Variants in NAV1 observed in about 807,000 individuals in gnomAD.
The protein encoded by NAV1 is pore membrane and/or filament interacting like protein 3.
A neutral mutation model predicts 175.2 loss-of-function variants in NAV1; 18 were observed. The ratio of observed to expected loss-of-function variants is 0.10; its 90% CI spans 0.07 to 0.15. The LOEUF (loss-of-function observed/expected upper bound fraction) is 0.15. Among genes scored for constraint, NAV1 ranks in the 10% least tolerant of loss-of-function variants. The pLI is 1.00. For synonymous variants in NAV1, 897 were observed against 978.7 expected (o/e 0.92, Z 1.56); for missense variants, 1,731 against 2,436.6 (o/e 0.71, Z 6.10).
chr1:201,811,158 T>G (rs769480921), intron 24 of NAV1, among the ~76,000 whole-genome samples: 15 of 152,206 alleles, frequency 9.9e-5, no homozygotes, highest in Admixed American at 3.3e-4. Flanking sequence ...CTTCTACTTT[T>G]CTTTTCAGTA....
chr1:201,565,355 T>C (rs1666321408), intron 1 of NAV1, among the ~76,000 whole-genome samples: 1 of 152,260 alleles, frequency 6.6e-6, no homozygotes, highest in Admixed American at 6.5e-5. Flanking sequence ...TCTTCTGGGC[T>C]CATTGTCAGT....
At chr1:201,726,500 T>C (rs1672611245) in intron 3 of NAV1, among the ~76,000 whole-genome samples, 1 of 151,784 alleles carries the variant, frequency 6.6e-6, no homozygotes, top group Non-Finnish European at 1.5e-5. Context: ...AAATACAAAA[T>C]TAGCCAGTGT....
intron 3 of NAV1, among the ~76,000 whole-genome samples, chr1:201,757,193 C>T (rs1208328641): frequency 1.3e-5 from 2 of 152,132 alleles, no homozygotes; most frequent in Non-Finnish European, 2.9e-5. Flanking sequence ...TCTGAAAAAG[C>T]AGTCTCTCCT....
At chr1:201,669,600 A>G (rs1157333447) in intron 1 of NAV1, among the ~76,000 whole-genome samples, 1 of 152,212 alleles carries the variant, frequency 6.6e-6, no homozygotes, top group African/African-American at 2.4e-5. Context: ...GGGAAATGAC[A>G]TCAGGTTTGT....
chr1:201,599,001 T>C, intron 2 of NAV1, among the ~76,000 whole-genome samples: 1 of 152,190 alleles, frequency 6.6e-6, no homozygotes, highest in East Asian at 1.9e-4. Flanking sequence ...TCAGAAAACA[T>C]TTCTGGAGCC....
chr1:201,631,262 G>A (rs890075397), intron 2 of NAV1, among the ~76,000 whole-genome samples: 3 of 152,182 alleles, frequency 2.0e-5, no homozygotes, highest in African/African-American at 4.8e-5. Context: ...TGGATGGGGA[G>A]AGAGATTTCG....
chr1:201,582,219 T>C (rs1264101282), intron 1 of NAV1, among the ~76,000 whole-genome samples: 1 of 152,232 alleles, frequency 6.6e-6, no homozygotes, highest in Non-Finnish European at 1.5e-5. Flanking sequence ...TGAGTTTGTA[T>C]CAGTCATTCT....
At chr1:201,544,266 C>T (rs908525912) in intron 1 of NAV1, among the ~76,000 whole-genome samples, 8 of 152,306 alleles carry the variant, frequency 5.3e-5, no homozygotes, top group Non-Finnish European at 1.2e-4. Context: ...TAGAACTACT[C>T]AATGGTTGAG....
chr1:201,695,231 T>C (rs750295824), intron 1 of NAV1, among the ~76,000 whole-genome samples: 5 of 152,204 alleles, frequency 3.3e-5, no homozygotes, highest in Non-Finnish European at 7.4e-5. Context: ...CCCAGAGCCA[T>C]GCTCTCCCCA....
chr1:201,742,939 G>T (rs1673525037), intron 3 of NAV1, among the ~76,000 whole-genome samples: 1 of 152,148 alleles, frequency 6.6e-6, no homozygotes, highest in African/African-American at 2.4e-5. Context: ...TAATAGGGGG[G>T]ACAGTCCGTG....
intron 3 of NAV1, among the ~76,000 whole-genome samples, chr1:201,752,069 G>T (rs1158456201): frequency 6.6e-6 from 1 of 152,098 alleles, no homozygotes; most frequent in Admixed American, 6.5e-5. Flanking sequence ...GCACAATGTG[G>T]TATTCAGCTG....
At chr1:201,624,638 A>G (rs769808895) in intron 1 of NAV1, among the ~76,000 whole-genome samples, 12 of 151,874 alleles carry the variant, frequency 7.9e-5, no homozygotes, top group Non-Finnish European at 1.5e-4. Flanking sequence ...GAGCCACCGC[A>G]CCCAGCAAAC....
chr1:201,582,405 G>A (rs1477754216), intron 1 of NAV1, among the ~76,000 whole-genome samples: 1 of 152,202 alleles, frequency 6.6e-6, no homozygotes, highest in Non-Finnish European at 1.5e-5. Context: ...GGGAAGGGCT[G>A]GGCCTCCAAA....
chr1:201,757,947 C>T (rs1015452537), intron 3 of NAV1, among the ~76,000 whole-genome samples: 17 of 152,232 alleles, frequency 1.1e-4, no homozygotes, highest in Admixed American at 6.5e-5. Context: ...GCATAGGACC[C>T]CTCTTGGCCC....
At chr1:201,644,629 TAGA>T (rs541535810), upstream of NAV1, among the ~76,000 whole-genome samples, 776 of 152,340 alleles carry the variant, frequency 5.1e-3, 9 homozygotes, top group African/African-American at 0.018. Context: ...GAGATGTGCA[TAGA>T]AGGTGTCTTC....
At chr1:201,643,097 C>CTCTTTCTT (rs375426123) in intron 2 of NAV1, among the ~76,000 whole-genome samples, 2 of 148,688 alleles carry the variant, frequency 1.3e-5, no homozygotes, top group Non-Finnish European at 3.0e-5. Context: ...CTTTCTTTTT[C>CTCTTTCTT]TCTTTCTTTC....
intron 2 of NAV1, among the ~76,000 whole-genome samples, chr1:201,590,815 G>A (rs1031925823): frequency 6.6e-6 from 1 of 152,214 alleles, no homozygotes; most frequent in South Asian, 2.1e-4. Flanking sequence ...GAGTGGCTGT[G>A]TGGAATGGGG....
rs145352693 is a variant in NAV1, at chr1:201,567,893, G to A, written c.-143-20646G>A. On this transcript the variant is annotated intron_variant, in intron 1 of 33. Transcript: ENST00000685211. Reference sequence around the variant, plus strand: ...AGAATGTCCTTTCTCTATGTGGCACGGAGCAAGGGTAACTGACCCAATTGA... The same window carrying A: ...AGAATGTCCTTTCTCTATGTGGCACAGAGCAAGGGTAACTGACCCAATTGA... Among the ~76,000 whole-genome samples, 165 of 152,242 alleles carry A rather than the reference G, an allele frequency of 1.1e-3. No individual in the cohort carries two copies. The South Asian group carries it at 0.012, about 11-fold the overall frequency.
At chr1:201,551,332 G>C (rs142522800) in intron 1 of NAV1, among the ~76,000 whole-genome samples, 1 of 152,090 alleles carries the variant, frequency 6.6e-6, no homozygotes, top group African/African-American at 2.4e-5. Flanking sequence ...AGGCTCAAGC[G>C]ATCTTCCCAT....
Sources: allele counts gnomAD v4.1 joint callset (sites outside exome capture counted in the v4.1 genomes callset), GRCh38; gene constraint gnomAD v4.1.1; transcripts MANE v1.5; gene names NCBI Gene and HGNC (gene_info 2026-07-23, HGNC 2026-07-21).